The following CDH13 variants were observed in gnomAD, a reference collection of about 807,000 sequenced individuals.
CDH13 encodes the protein cadherin 13.
In CDH13, 24 loss-of-function variants were observed where a neutral mutation model predicts 63.8. That is an observed-to-expected ratio of 0.38 (90% CI 0.27 to 0.53). The LOEUF (loss-of-function observed/expected upper bound fraction) is 0.53. CDH13 is among the 20% of genes least tolerant of loss of function. The probability of loss-of-function intolerance (pLI) is 0.85; values close to 1 mark genes in which losing one functional copy is unlikely to be tolerated. For missense variants in CDH13, 1,049 were observed against 903.1 expected (o/e 1.16, Z -2.07); for synonymous variants, 503 against 355.3 (o/e 1.42, Z -4.67).
At chr16:83,065,181 C>G (rs2031901550) in intron 3 of CDH13, among the ~76,000 whole-genome samples, 1 of 152,138 alleles carries the variant, frequency 6.6e-6, no homozygotes, top group Non-Finnish European at 1.5e-5. Flanking sequence ...GACAGCACAG[C>G]TTTAGAAAGA....
intron 6 of CDH13, among the ~76,000 whole-genome samples, chr16:83,351,879 C>T (rs2090958300): frequency 6.6e-6 from 1 of 152,202 alleles, no homozygotes; most frequent in Non-Finnish European, 1.5e-5. Context: ...CACACACAAA[C>T]ATACTGATGG....
intron 11 of CDH13, among the ~76,000 whole-genome samples, chr16:83,749,233 A>G (rs934825986): frequency 6.6e-6 from 1 of 152,170 alleles, no homozygotes. Context: ...ATACTCAACA[A>G]GGGTGAACTA....
chr16:83,776,089 G>T (rs1017305377), intron 11 of CDH13, among the ~76,000 whole-genome samples: 2 of 152,116 alleles, frequency 1.3e-5, no homozygotes, highest in African/African-American at 2.4e-5. Context: ...ATCGCCCAAA[G>T]TAACAAACTC....
chr16:82,856,693 C>CAAAAAA (rs56106728), intron 1 of CDH13, among the ~76,000 whole-genome samples: 8 of 49,554 alleles, frequency 1.6e-4, no homozygotes, highest in Admixed American at 3.9e-4. Flanking sequence ...GACTCGGTCT[C>CAAAAAA]AAAAAAAAAA....
At chr16:82,803,537 A>G (rs2036979096) in intron 1 of CDH13, among the ~76,000 whole-genome samples, 3 of 152,004 alleles carry the variant, frequency 2.0e-5, no homozygotes, top group Admixed American at 6.6e-5. Context: ...TTAGGGAACG[A>G]CTCCAATGTT....
intron 2 of CDH13, among the ~76,000 whole-genome samples, chr16:82,903,350 T>A (rs887693035): frequency 6.6e-6 from 1 of 152,218 alleles, no homozygotes; most frequent in Non-Finnish European, 1.5e-5. Flanking sequence ...CCTGTCCTCT[T>A]TGGAGGCTGG....
intron 6 of CDH13, among the ~76,000 whole-genome samples, chr16:83,476,918 A>G (rs549541073): frequency 6.6e-6 from 1 of 152,348 alleles, no homozygotes; most frequent in African/African-American, 2.4e-5. Flanking sequence ...TTCAAAAAGA[A>G]CTTCATGGGA....
chr16:83,397,970 C>T (rs1166046496), intron 6 of CDH13: 1 of 142,950 alleles, frequency 7.0e-6, no homozygotes, highest in Non-Finnish European at 1.5e-5. Context: ...AATGCCTGCA[C>T]TGGTCTATTT....
intron 1 of CDH13, among the ~76,000 whole-genome samples, chr16:82,757,146 A>G (rs919517068): frequency 6.6e-6 from 1 of 152,102 alleles, no homozygotes; most frequent in African/African-American, 2.4e-5. Flanking sequence ...TCCATGCTGT[A>G]TTGTATCCTA....
chr16:83,780,837 G>T (rs1487866511), intron 12 of CDH13, among the ~76,000 whole-genome samples: 2 of 152,198 alleles, frequency 1.3e-5, no homozygotes, highest in African/African-American at 4.8e-5. Context: ...TCTTGGCTCA[G>T]CTGTCTTTCC....
intron 2 of CDH13, among the ~76,000 whole-genome samples, chr16:83,008,927 A>G (rs1411683865): frequency 6.6e-6 from 1 of 152,198 alleles, no homozygotes; most frequent in Non-Finnish European, 1.5e-5. Flanking sequence ...GGAAGCAAAC[A>G]CGTCCATCTT....
At chr16:83,566,412 A>G (rs1904280898) in intron 7 of CDH13, among the ~76,000 whole-genome samples, 1 of 152,134 alleles carries the variant, frequency 6.6e-6, no homozygotes, top group South Asian at 2.1e-4. Context: ...CTGTCATAGG[A>G]AGACAAGTTG....
intron 2 of CDH13, among the ~76,000 whole-genome samples, chr16:82,946,858 A>C (rs1056019791): frequency 1.3e-5 from 2 of 152,226 alleles, no homozygotes; most frequent in African/African-American, 2.4e-5. Flanking sequence ...ACATACAATC[A>C]CTAGAGTGAA....
chr16:83,237,032 G>A (rs1413634744), intron 5 of CDH13, among the ~76,000 whole-genome samples: 2 of 152,144 alleles, frequency 1.3e-5, no homozygotes, highest in Non-Finnish European at 2.9e-5. Flanking sequence ...CCAGGTGTGA[G>A]GACCAGGAGG....
At chr16:82,749,145 G>A (rs2034306829) in intron 1 of CDH13, among the ~76,000 whole-genome samples, 1 of 151,958 alleles carries the variant, frequency 6.6e-6, no homozygotes, top group Non-Finnish European at 1.5e-5. Context: ...ACAGAGCCAA[G>A]AAATGCAGAG....
chr16:82,877,510 T>A (rs147842308), intron 2 of CDH13, among the ~76,000 whole-genome samples: 64 of 152,318 alleles, frequency 4.2e-4, no homozygotes, highest in African/African-American at 1.4e-3. Context: ...TCACATTTGT[T>A]CCATGTTAGC....
chr16:83,451,772 C>T (rs974536890), intron 6 of CDH13, among the ~76,000 whole-genome samples: 2 of 152,266 alleles, frequency 1.3e-5, no homozygotes, highest in East Asian at 1.9e-4. Flanking sequence ...CCTATCTTGG[C>T]CTCGCAAAGT....
intron 10 of CDH13, among the ~76,000 whole-genome samples, chr16:83,711,524 T>G (rs1908050987): frequency 6.6e-6 from 1 of 152,134 alleles, no homozygotes; most frequent in Non-Finnish European, 1.5e-5. Context: ...TTGTTTTTTG[T>G]TTTTTGTTTT....
At chr16:83,325,494 A>C (rs1337739905) in intron 5 of CDH13, among the ~76,000 whole-genome samples, 3 of 152,200 alleles carry the variant, frequency 2.0e-5, no homozygotes, top group African/African-American at 7.2e-5. Flanking sequence ...CTTGCGAGTC[A>C]TGCAGACCCT....
Sources: gnomAD v4.1 joint callset for allele counts (sites outside exome capture counted in the v4.1 genomes callset) on GRCh38, gnomAD v4.1.1 for gene constraint, MANE v1.5 for transcripts, NCBI Gene and HGNC (gene_info 2026-07-23, HGNC 2026-07-21) for gene names.